Variants in SNED1 observed in about 807,000 individuals in gnomAD.
SNED1 encodes the protein sushi, nidogen and EGF like domains 1, also known as sushi, nidogen and EGF-like domain-containing protein 1.
SNED1 carries 81 observed loss-of-function variants against 166.7 expected under a neutral mutation model. The ratio of observed to expected loss-of-function variants is 0.49; its 90% CI spans 0.41 to 0.58. SNED1 has a LOEUF of 0.58. Among genes scored for constraint, SNED1 ranks in the 20% least tolerant of loss-of-function variants. The probability of loss-of-function intolerance (pLI) is 0.00; values close to 1 mark genes in which losing one functional copy is unlikely to be tolerated. For missense variants in SNED1, 1,604 were observed against 2,000.2 expected, an observed-to-expected ratio of 0.80 and a Z score of 3.78; for synonymous variants, 762 against 822.0, an observed-to-expected ratio of 0.93 and a Z score of 1.25.
chr2:241,049,086 C>A lies in SNED1; in HGVS notation c.1569C>A (p.His523Gln). The A allele has an allele frequency of 6.2e-7, 1 of 1,613,164 alleles. No homozygotes were observed. The highest frequency in any genetic ancestry group is 1.7e-4 in the Middle Eastern group (1 of 6,058). ...QCPDGGYCME[H>Q]GGSYLCVCHT... The stretch of plus-strand genomic sequence containing the variant: ...CAGATGGGGGCTACTGCATGGAGCA[C>A]GGCGGGAGCTACCTCTGCGTCTGCC... The change falls in exon 11 of 32, where the codon CAC becomes CAA. Residue 523 changes from histidine to glutamine, a missense_variant. Coordinates refer to ENST00000310397, the MANE Select transcript of SNED1 (RefSeq NM_001080437.3).
rs1419519595 is a variant in SNED1, at chr2:241,079,974, TGAAA to T, written c.3917-1699_3917-1696del. ...AGTGTAAAGAATTAAAAATATAAAATGAAAGAAGTTAAAAATCTTGTTTGTTTTG... is the reference window on the plus strand; with the variant it reads ...AGTGTAAAGAATTAAAAATATAAAATGAAGTTAAAAATCTTGTTTGTTTTG... On this transcript the variant is annotated intron_variant, in intron 27 of 31. Transcript: ENST00000310397. Among the ~76,000 whole-genome samples, 7 of 152,246 alleles carry T rather than the reference TGAAA, an allele frequency of 4.6e-5. No homozygotes were observed. In the East Asian group the frequency reaches 1.4e-3, roughly 29 times the overall value.
chr2:241,063,684 A>G lies in SNED1; in HGVS notation c.2469A>G (p.Gly823=). The G allele has an allele frequency of 6.2e-7, 1 of 1,609,518 alleles. No individual in the cohort carries two copies. The highest frequency in any genetic ancestry group is 8.5e-7 in the Non-Finnish European group (1 of 1,177,598). The change falls in exon 18 of 32, where the codon GGA becomes GGG. Residue 823 remains glycine (G), a synonymous_variant. Coordinates refer to ENST00000310397, the MANE Select transcript of SNED1 (RefSeq NM_001080437.3). ...YVCRCPAGFV[G]VHCETEVDAC... ...GCCGGTGCCCTGCAGGCTTCGTTGG[A>G]GTCCACTGTGAGACAGGTAGGGGCT... is the stretch of plus-strand genomic sequence containing the variant.
chr2:241,022,915 C>T (rs1282102736), intron 1 of SNED1, among the ~76,000 whole-genome samples: 1 of 152,146 alleles, frequency 6.6e-6, no homozygotes, highest in East Asian at 1.9e-4. Flanking sequence ...AAATGGTAGC[C>T]TCTTTTTCAG....
rs765865545 is a variant in SNED1 at position 241,089,367 on chromosome 2, T to G, written c.*1+965T>G. The stretch of plus-strand genomic sequence containing the variant: ...ACAGGTCTATGTTTTGTTACGTGCC[T>G]AAAAAAATAAAGGAGAAATGTCATT... On this transcript the variant is annotated intron_variant, in intron 31 of 31. Coordinates refer to ENST00000310397, the MANE Select transcript of SNED1 (RefSeq NM_001080437.3). 17 of 1,550,434 alleles carry G rather than the reference T, an allele frequency of 1.1e-5. No individual in the cohort carries two copies. In the South Asian group the frequency reaches 2.0e-4, roughly 18 times the overall value.
rs987709826 is a variant in SNED1, at chr2:241,068,779, G to A, written c.3195-132G>A. The A allele has an allele frequency of 1.6e-6, 1 of 644,678 alleles. No homozygotes were observed. The highest frequency in any genetic ancestry group is 2.7e-6 in the Non-Finnish European group (1 of 365,868). 39.9% of individuals were successfully genotyped at this position (644,678 alleles called of 1,614,324 possible). A position where few individuals can be genotyped will look rare whatever the true frequency, so the allele number is the denominator to read the frequency against. ...GGCCATGAGTCTGCCCCTCGTGGAG[G>A]TTGCCTGGGCCACCAGCAGCAGGAT... On this transcript the variant is annotated intron_variant, in intron 22 of 31. Coordinates refer to ENST00000310397, the MANE Select transcript of SNED1 (RefSeq NM_001080437.3). This position sits in a 1 kb window ranked among gnomAD's most constrained non-coding sequence, Gnocchi z 5.3.
At chr2:241,040,036 C>T (rs2061481118) in intron 6 of SNED1, 39 bp from the exon 7 acceptor site, 2 of 1,471,298 alleles carry the variant, frequency 1.4e-6, no homozygotes, top group Non-Finnish European at 1.9e-6. Context: ...GTAACCATAA[C>T]TGGGAGTCCA....
Position 241,048,449 on chromosome 2 carries a change from G to A in SNED1, c.1399+9G>A. 6.3e-7 allele frequency: 1 copy of A among 1,584,578 alleles called. No homozygotes were observed. Among genetic ancestry groups the A allele is most frequent in the South Asian group, 1.2e-5 (1 of 85,730 alleles). ...CCTGGACTGCAGGGAGAGTGCGTCTGGGCTGCAAGGGCTGCCGTTTTAGGG... is the reference window on the plus strand; with the variant it reads ...CCTGGACTGCAGGGAGAGTGCGTCTAGGCTGCAAGGGCTGCCGTTTTAGGG... On this transcript the variant is annotated intron_variant, in intron 9 of 31. Coordinates refer to ENST00000310397, the MANE Select transcript of SNED1 (RefSeq NM_001080437.3).
intron 31 of SNED1, among the ~76,000 whole-genome samples, chr2:241,090,680 A>G (rs1420884959): frequency 6.6e-6 from 1 of 152,162 alleles, no homozygotes; most frequent in Non-Finnish European, 1.5e-5. Context: ...CAGCCTGGCC[A>G]ACATGATGAA....
In SNED1 at chr2:241,033,946, T is replaced by TG. The variant is rs1340692503; in HGVS notation, c.642+72dup. The TG allele has an allele frequency of 2.0e-6, 3 of 1,508,810 alleles. No homozygotes were observed. In the African/African-American group the frequency reaches 4.1e-5, roughly 21 times the overall value. 93.5% of individuals were successfully genotyped at this position (1,508,810 alleles called of 1,614,324 possible). A position where few individuals can be genotyped will look rare whatever the true frequency, so the allele number is the denominator to read the frequency against. On this transcript the variant is annotated intron_variant, in intron 3 of 31. Coordinates refer to ENST00000310397, the MANE Select transcript of SNED1 (RefSeq NM_001080437.3). The stretch of plus-strand genomic sequence containing the variant: ...CACAGCCAGGACTGTCATGAGCTGA[T>TG]GAGGTAGGCAGGGGCTCACCATAGG...
intron 16 of SNED1, among the ~76,000 whole-genome samples, chr2:241,058,428 A>T (rs2062129172): frequency 6.6e-6 from 1 of 152,184 alleles, no homozygotes. Flanking sequence ...AGGAAAGAGG[A>T]ATAAAGGTAA....
At chr2:241,061,954 A>C (rs2062246646) in intron 16 of SNED1, among the ~76,000 whole-genome samples, 1 of 152,132 alleles carries the variant, frequency 6.6e-6, no homozygotes, top group Non-Finnish European at 1.5e-5. Flanking sequence ...ATATAACCAC[A>C]CTGTGTAATG....
In SNED1 at chr2:241,070,057, C is replaced by T. The variant is rs768845818; in HGVS notation, c.3445C>T (p.Arg1149Cys). The change falls in exon 24 of 32, where the codon CGC becomes TGC. Residue 1149 changes from arginine (R) to cysteine (C), a missense_variant. This residue lies in a region of SNED1 where 367 missense variants were observed against 379.4 expected (regional missense o/e 0.97). Coordinates refer to ENST00000310397, the MANE Select transcript of SNED1 (RefSeq NM_001080437.3). ...NVTTSQSTKSRYVPNGKLASY... is the reference protein window; with the variant it reads ...NVTTSQSTKSCYVPNGKLASY... ...GACCACCAGCCAGAGCACCAAGAGC[C>T]GCTATGTCCCCAACGGGAAGCTGGC... is the stretch of plus-strand genomic sequence containing the variant. 15 of 1,612,972 alleles carry T rather than the reference C, an allele frequency of 9.3e-6. No individual in the cohort carries two copies. The East Asian group carries it at 1.1e-4, about 12-fold the overall frequency.
intron 29 of SNED1, among the ~76,000 whole-genome samples, chr2:241,086,544 C>T (rs566042393): frequency 6.6e-6 from 1 of 152,376 alleles, no homozygotes; most frequent in South Asian, 2.1e-4. Context: ...TCAGGGATTA[C>T]AGTCTCGTGT....
intron 5 of SNED1, 30 bp downstream of exon 5, chr2:241,036,945 CG>C: frequency 6.3e-7 from 1 of 1,583,960 alleles, no homozygotes. Flanking sequence ...CGGGACCACC[CG>C]CTGGCTGCGC....
rs1307210608 is a variant in SNED1, at chr2:241,033,669, G to A, written c.502-66G>A. 5 of 1,518,390 alleles carry A rather than the reference G, an allele frequency of 3.3e-6. No homozygotes were observed. The East Asian group carries it at 9.6e-5, about 29-fold the overall frequency. 94.1% of individuals were successfully genotyped at this position (1,518,390 alleles called of 1,614,324 possible). A position where few individuals can be genotyped will look rare whatever the true frequency, so the allele number is the denominator to read the frequency against. ...ACAATGACAGTGCACCAGGATGGTG[G>A]ACAGGGCAGGGCTTCCCTGGGCCAA... On this transcript the variant is annotated intron_variant, in intron 2 of 31. Coordinates refer to ENST00000310397, the MANE Select transcript of SNED1 (RefSeq NM_001080437.3).
Position 241,052,109 on chromosome 2 carries a change from T to C in SNED1, c.1921T>C (p.Tyr641His). The C allele has an allele frequency of 6.2e-7, 1 of 1,613,748 alleles. No homozygotes were observed. Among genetic ancestry groups the C allele is most frequent in the Non-Finnish European group, 8.5e-7 (1 of 1,179,816 alleles). Residue 641 changes from tyrosine (Y) to histidine (H), a missense_variant, in exon 14 of 32, where the codon TAC (tyrosine) becomes CAC (histidine). Around this residue, in one of 2 missense-constraint regions of SNED1, gnomAD observed 1,237 missense variants for 1,620.8 expected, o/e 0.76. Coordinates refer to ENST00000310397, the MANE Select transcript of SNED1 (RefSeq NM_001080437.3). ...GGTCFHYIGK[Y>H]KCDCPPGFSG... ...CACCTGCTTCCACTACATTGGCAAATACAAGTGTGACTGTCCCCCAGGCTT... is the reference window on the plus strand; with the variant it reads ...CACCTGCTTCCACTACATTGGCAAACACAAGTGTGACTGTCCCCCAGGCTT...
At chr2:241,036,093 G>A (rs1295419029) in intron 4 of SNED1, among the ~76,000 whole-genome samples, 3 of 142,274 alleles carry the variant, frequency 2.1e-5, no homozygotes, top group Admixed American at 6.9e-5. Flanking sequence ...GGCGCATCAC[G>A]GGGTGGGGGT....
chr2:241,072,468 C>T, intron 26 of SNED1: 1 of 349,304 alleles, frequency 2.9e-6, no homozygotes, highest in East Asian at 8.0e-5. Context: ...CCAGAGGGGA[C>T]CTCTCTGGCC....
intron 11 of SNED1, among the ~76,000 whole-genome samples, 186 bp downstream of exon 11, chr2:241,049,321 A>G (rs1321857728): frequency 6.6e-6 from 1 of 152,236 alleles, no homozygotes; most frequent in Non-Finnish European, 1.5e-5. Flanking sequence ...CCTCTTCCCC[A>G]GTGGAGTAAG....
Sources: gnomAD v4.1 joint callset for allele counts (sites outside exome capture counted in the v4.1 genomes callset) on GRCh38, gnomAD v4.1.1 for gene constraint, gnomAD v4.1.1 regional missense constraint, Gnocchi (gnomAD v3.1) non-coding constraint, MANE v1.5 for transcripts, NCBI Gene and HGNC (gene_info 2026-07-23, HGNC 2026-07-21) for gene names.